Variants in ADGRL4 observed in about 807,000 individuals in gnomAD.
The protein encoded by ADGRL4 is adhesion G protein-coupled receptor L4.
Under a neutral mutation model 74.8 loss-of-function variants are expected in ADGRL4, and 90 were observed. That is an observed-to-expected ratio of 1.20 (90% CI 1.02 to 1.43). ADGRL4 has a LOEUF of 1.43. ADGRL4 is among the 40% of genes most tolerant of loss of function. ADGRL4 has a pLI of 0.00. For missense variants in ADGRL4, 881 were observed against 814.3 expected (o/e 1.08, Z -1.00); for synonymous variants, 311 against 279.2 (o/e 1.11, Z -1.14).
intron 12 of ADGRL4, among the ~76,000 whole-genome samples, chr1:78,901,318 C>T (rs923917054): frequency 2.6e-5 from 4 of 152,300 alleles, no homozygotes; most frequent in African/African-American, 9.6e-5. Flanking sequence ...ATGTCACCCT[C>T]TTCACACAGG....
Position 78,968,905 on chromosome 1 carries a change from T to A in ADGRL4, c.173-22479A>T, listed in dbSNP as rs542259601. Among the ~76,000 whole-genome samples the A allele has an allele frequency of 5.3e-5, 8 of 152,346 alleles. No individual in the cohort carries two copies. In the South Asian group the frequency reaches 1.7e-3, roughly 32 times the overall value. Reference sequence around the variant, plus strand: ...TACAAGTTTCTGATAACTTTGTTGATTTTAATATTGGAATAAAGGAAAAGT... The same window carrying A: ...TACAAGTTTCTGATAACTTTGTTGAATTTAATATTGGAATAAAGGAAAAGT... On this transcript the variant is annotated intron_variant, in intron 2 of 14. Coordinates refer to ENST00000370742, the MANE Select transcript of ADGRL4 (RefSeq NM_022159.4).
chr1:78,952,141 G>A (rs1204979787), intron 2 of ADGRL4, among the ~76,000 whole-genome samples: 1 of 151,858 alleles, frequency 6.6e-6, no homozygotes, highest in East Asian at 1.9e-4. Flanking sequence ...TATTGGCCGG[G>A]CTCAAATTGA....
chr1:78,891,725 A>G, intron 13 of ADGRL4, 33 bp from the exon 14 acceptor site: 1 of 1,570,964 alleles, frequency 6.4e-7, no homozygotes, highest in South Asian at 1.2e-5. Flanking sequence ...CAGTGAAGAA[A>G]GCTACGTATA....
chr1:78,902,571 A>G (rs115872654), intron 12 of ADGRL4, among the ~76,000 whole-genome samples: 109 of 152,292 alleles, frequency 7.2e-4, no homozygotes, highest in African/African-American at 2.6e-3. Context: ...GCACTTTACA[A>G]AGCTACCAAA....
chr1:78,935,703 A>G lies in ADGRL4; in HGVS notation c.877+592T>C, dbSNP rs12755683. On this transcript the variant is annotated intron_variant, in intron 7 of 14. Coordinates refer to ENST00000370742, the MANE Select transcript of ADGRL4 (RefSeq NM_022159.4). ...AGTAGTAAAATCAGAGCTCTTTTGT[A>G]TATTTTCATTAGAATCTCAACAATT... Among the ~76,000 whole-genome samples, 402 of 152,278 alleles carry G rather than the reference A, an allele frequency of 2.6e-3. 1 individual carries two copies. Among genetic ancestry groups the G allele is most frequent in the Non-Finnish European group, 4.5e-3 (309 of 68,018 alleles).
Position 78,890,373 on chromosome 1 carries a change from T to A in ADGRL4, c.*781A>T, listed in dbSNP as rs1648243182. The A allele has an allele frequency of 6.6e-6, 1 of 152,076 alleles. No individual in the cohort carries two copies. Among genetic ancestry groups the A allele is most frequent in the South Asian group, 2.1e-4 (1 of 4,820 alleles). 9.4% of individuals were successfully genotyped at this position (152,076 alleles called of 1,614,324 possible). A position where few individuals can be genotyped will look rare whatever the true frequency, so the allele number is the denominator to read the frequency against. ...ATATTATATCTTGACACATTTATAT[T>A]TTACTGATTAACTATCCAAAGTCAC... On this transcript the variant is annotated 3_prime_UTR_variant, in exon 15 of 15. Coordinates refer to ENST00000370742, the MANE Select transcript of ADGRL4 (RefSeq NM_022159.4).
chr1:78,936,234 CATG>C (rs1396737596), intron 7 of ADGRL4, 58 bp downstream of exon 7: 1 of 1,512,198 alleles, frequency 6.6e-7, no homozygotes, highest in Non-Finnish European at 8.9e-7. Flanking sequence ...TAATCAAATG[CATG>C]ATAAATATTT....
intron 2 of ADGRL4, among the ~76,000 whole-genome samples, chr1:78,966,849 GT>G (rs532179957): frequency 6.8e-6 from 1 of 146,458 alleles, no homozygotes; most frequent in African/African-American, 2.5e-5. Flanking sequence ...TTTTAAGCTA[GT>G]TTTTTTTTCT....
chr1:78,959,796 T>C (rs190306945), intron 2 of ADGRL4, among the ~76,000 whole-genome samples: 4 of 152,304 alleles, frequency 2.6e-5, no homozygotes, highest in Admixed American at 2.6e-4. Flanking sequence ...CCTTGCTCTC[T>C]CAAGGATAGA....
Position 78,895,791 on chromosome 1 carries a change from A to C in ADGRL4, c.1750-2602T>G, listed in dbSNP as rs1165211406. 3.3e-5 allele frequency among the ~76,000 whole-genome samples: 5 copies of C among 152,042 alleles called. No homozygotes were observed. The South Asian group carries it at 1.0e-3, about 31-fold the overall frequency. On this transcript the variant is annotated intron_variant, in intron 12 of 14. Coordinates refer to ENST00000370742, the MANE Select transcript of ADGRL4 (RefSeq NM_022159.4). Reference sequence around the variant, plus strand: ...CAATTATCACTTAGATTTTATTTGAAGTGCAAAGGTTTATTTGCTGTTTTG... The same window carrying C: ...CAATTATCACTTAGATTTTATTTGACGTGCAAAGGTTTATTTGCTGTTTTG...
At chr1:78,989,569 A>G (rs1003252142) in intron 2 of ADGRL4, among the ~76,000 whole-genome samples, 67 of 151,794 alleles carry the variant, frequency 4.4e-4, no homozygotes, top group African/African-American at 1.5e-3. Context: ...TCTTCTAGGT[A>G]TGTCCCGAAG....
intron 8 of ADGRL4, among the ~76,000 whole-genome samples, chr1:78,924,563 C>T (rs1649074101): frequency 6.6e-6 from 1 of 151,960 alleles, no homozygotes; most frequent in Non-Finnish European, 1.5e-5. Flanking sequence ...GCTACAGAGC[C>T]TTGGAAAGGA....
chr1:78,982,751 C>T (rs1650421894), intron 2 of ADGRL4, among the ~76,000 whole-genome samples: 1 of 151,682 alleles, frequency 6.6e-6, no homozygotes, highest in African/African-American at 2.4e-5. Flanking sequence ...TGAGGACAAA[C>T]ATAAATAGAA....
chr1:78,975,278 C>A (rs1448777928), intron 2 of ADGRL4, among the ~76,000 whole-genome samples: 1 of 151,962 alleles, frequency 6.6e-6, no homozygotes, highest in Non-Finnish European at 1.5e-5. Flanking sequence ...GTATTAATTA[C>A]TGCTTAGAAT....
rs1216292290 is a variant in ADGRL4, at chr1:78,990,498, T to G, written c.172+14572A>C. Among the ~76,000 whole-genome samples, 30 of 151,946 alleles carry G rather than the reference T, an allele frequency of 2.0e-4. 1 individual carries two copies. The highest frequency in any genetic ancestry group is 1.5e-5 in the Non-Finnish European group (1 of 67,838). The stretch of plus-strand genomic sequence containing the variant: ...TTACAATCTGAAGACTTGCTTAAAT[T>G]CAGATTAACGCTATACTTATTTATT... On this transcript the variant is annotated intron_variant, in intron 2 of 14. Coordinates refer to ENST00000370742, the MANE Select transcript of ADGRL4 (RefSeq NM_022159.4).
At chr1:78,943,644 T>C (rs949966594) in intron 3 of ADGRL4, among the ~76,000 whole-genome samples, 1 of 152,138 alleles carries the variant, frequency 6.6e-6, no homozygotes, top group Non-Finnish European at 1.5e-5. Context: ...CAATACACTG[T>C]AAGGTGATAT....
chr1:78,963,258 T>A (rs147418290), intron 2 of ADGRL4, among the ~76,000 whole-genome samples: 103 of 152,320 alleles, frequency 6.8e-4, no homozygotes, highest in African/African-American at 2.4e-3. Context: ...CAAATTTTCA[T>A]GGTGTTCACA....
intron 2 of ADGRL4, among the ~76,000 whole-genome samples, chr1:78,978,299 G>T (rs17102550): frequency 0.025 from 3,842 of 151,942 alleles, 74 homozygotes; most frequent in South Asian, 0.053. Flanking sequence ...CTTCTGTGAA[G>T]ATTCAACATA....
At chr1:78,896,388 G>C (rs971574789) in intron 12 of ADGRL4, among the ~76,000 whole-genome samples, 10 of 151,828 alleles carry the variant, frequency 6.6e-5, no homozygotes, top group African/African-American at 2.4e-4. Context: ...CCTCCATTTG[G>C]AAGTCTAATA....
Sources: allele counts gnomAD v4.1 joint callset (sites outside exome capture counted in the v4.1 genomes callset), GRCh38; gene constraint gnomAD v4.1.1; transcripts MANE v1.5; gene names NCBI Gene and HGNC (gene_info 2026-07-23, HGNC 2026-07-21).